PTPRT: variants seen among roughly 807,000 people sequenced by gnomAD.
PTPRT encodes receptor-type tyrosine-protein phosphatase T.
PTPRT carries 56 observed loss-of-function variants against 176.8 expected under a neutral mutation model. The ratio of observed to expected loss-of-function variants is 0.32; its 90% CI spans 0.26 to 0.40. The LOEUF is 0.40. PTPRT is among the 10% of genes least tolerant of loss of function. The pLI is 1.00. For missense variants in PTPRT, 1,540 were observed against 1,908.2 expected (o/e 0.81, Z 3.60); for synonymous variants, 783 against 739.0 (o/e 1.06, Z -0.96).
intron 1 of PTPRT, among the ~76,000 whole-genome samples, chr20:43,060,924 T>C (rs1987429728): frequency 6.6e-6 from 1 of 152,218 alleles, no homozygotes; most frequent in Non-Finnish European, 1.5e-5. Context: ...GTGCATGCAT[T>C]AGCCAAAACT....
chr20:42,760,622 A>T (rs561052781), intron 5 of PTPRT, among the ~76,000 whole-genome samples: 2 of 152,246 alleles, frequency 1.3e-5, no homozygotes, highest in African/African-American at 4.8e-5. Context: ...TTGAAGGCTG[A>T]CTTTGTGCCA....
intron 7 of PTPRT, among the ~76,000 whole-genome samples, chr20:42,485,331 T>G (rs1368761621): frequency 6.6e-6 from 1 of 152,088 alleles, no homozygotes; most frequent in African/African-American, 2.4e-5. Flanking sequence ...GAAGAAAAGC[T>G]GGAGAAAGAA....
chr20:42,662,784 A>G (rs1248455254), intron 7 of PTPRT, among the ~76,000 whole-genome samples: 3 of 152,166 alleles, frequency 2.0e-5, no homozygotes, highest in Non-Finnish European at 4.4e-5. Flanking sequence ...AGGGCTTAGC[A>G]AATTTGGGAC....
chr20:42,304,534 T>A (rs2057516098), intron 12 of PTPRT, among the ~76,000 whole-genome samples: 1 of 152,168 alleles, frequency 6.6e-6, no homozygotes, highest in Non-Finnish European at 1.5e-5. Context: ...AGAGCCTAAG[T>A]CACTTGCCTA....
intron 5 of PTPRT, among the ~76,000 whole-genome samples, chr20:42,769,154 G>C (rs1196485058): frequency 6.6e-6 from 1 of 152,192 alleles, no homozygotes; most frequent in African/African-American, 2.4e-5. Flanking sequence ...GCAACCCTGG[G>C]AAGCAGAAAG....
At chr20:42,697,645 C>G (rs575991850) in intron 6 of PTPRT, among the ~76,000 whole-genome samples, 5 of 152,300 alleles carry the variant, frequency 3.3e-5, no homozygotes, top group Non-Finnish European at 5.9e-5. Context: ...AATAATAAAG[C>G]TCGTCCTAAA....
chr20:42,418,426 A>G (rs2059086257), intron 9 of PTPRT, among the ~76,000 whole-genome samples: 1 of 152,232 alleles, frequency 6.6e-6, no homozygotes, highest in Admixed American at 6.5e-5. Flanking sequence ...TGACCACATT[A>G]TCAGCCTTAC....
chr20:42,662,349 A>G (rs991439962), intron 7 of PTPRT, among the ~76,000 whole-genome samples: 9 of 152,252 alleles, frequency 5.9e-5, no homozygotes, highest in African/African-American at 1.9e-4. Context: ...TTAGAGTTCT[A>G]TGGTCAGCTG....
chr20:43,084,183 C>T lies in PTPRT; in HGVS notation c.88+105463G>A, dbSNP rs556327339. Among the ~76,000 whole-genome samples, 8 of 152,248 alleles carry T rather than the reference C, an allele frequency of 5.3e-5. No individual in the cohort carries two copies. The South Asian group carries it at 1.5e-3, about 28-fold the overall frequency. ...ATATTTAACTCTTCTAAGTGACTGC[C>T]GAACTGTTTTTCCAAAGTGGCCATG... On this transcript the variant is annotated intron_variant, in intron 1 of 30. Coordinates refer to ENST00000373187, the MANE Select transcript of PTPRT (RefSeq NM_007050.6).
chr20:42,572,830 G>C (rs945399073), intron 7 of PTPRT, among the ~76,000 whole-genome samples: 3 of 151,758 alleles, frequency 2.0e-5, no homozygotes, highest in African/African-American at 7.3e-5. Context: ...CTGCCTTCTC[G>C]GGCATCCCAG....
rs535197447 is a variant in PTPRT at position 42,949,748 on chromosome 20, C to G, written c.89-63816G>C. Reference sequence around the variant, plus strand: ...TGTTATGCAGCAAAGATAACTGAACCACTCAGCTATTTTTTATGTTTGCCA... The same window carrying G: ...TGTTATGCAGCAAAGATAACTGAACGACTCAGCTATTTTTTATGTTTGCCA... On this transcript the variant is annotated intron_variant, in intron 1 of 30. Transcript: ENST00000373187. 2.0e-5 allele frequency among the ~76,000 whole-genome samples: 3 copies of G among 152,270 alleles called. No homozygotes were observed. The South Asian group carries it at 6.2e-4, about 32-fold the overall frequency.
intron 18 of PTPRT, among the ~76,000 whole-genome samples, chr20:42,132,421 C>T (rs1035565521): frequency 2.0e-5 from 3 of 152,068 alleles, no homozygotes; most frequent in African/African-American, 4.8e-5. Flanking sequence ...TTGCCAAACA[C>T]GTATCTCAGA....
intron 7 of PTPRT, among the ~76,000 whole-genome samples, chr20:42,601,522 A>T (rs2073781014): frequency 6.6e-6 from 1 of 152,198 alleles, no homozygotes; most frequent in Non-Finnish European, 1.5e-5. Flanking sequence ...ATCTAGTCAG[A>T]TACAAAGTTT....
chr20:42,705,989 T>C (rs906991206), intron 6 of PTPRT, among the ~76,000 whole-genome samples: 1 of 152,024 alleles, frequency 6.6e-6, no homozygotes, highest in Admixed American at 6.6e-5. Flanking sequence ...CTCTGTATAA[T>C]GGGGAGAGGT....
chr20:42,419,290 T>C (rs746533200), intron 9 of PTPRT, among the ~76,000 whole-genome samples: 1 of 152,160 alleles, frequency 6.6e-6, no homozygotes, highest in Non-Finnish European at 1.5e-5. Context: ...CAAGCTCAGT[T>C]GCACATGCAC....
chr20:42,978,020 T>G (rs1444548380), intron 1 of PTPRT, among the ~76,000 whole-genome samples: 1 of 151,852 alleles, frequency 6.6e-6, no homozygotes, highest in Non-Finnish European at 1.5e-5. Flanking sequence ...AAACAAGATC[T>G]CCAGTGGATG....
At chr20:42,808,690 G>A (rs899309636) in intron 2 of PTPRT, among the ~76,000 whole-genome samples, 4 of 152,090 alleles carry the variant, frequency 2.6e-5, no homozygotes, top group Admixed American at 2.0e-4. Context: ...ATCTGGATGC[G>A]TCAAGTAGAT....
intron 1 of PTPRT, among the ~76,000 whole-genome samples, chr20:43,024,090 G>GT (rs1985816042): frequency 6.6e-6 from 1 of 152,084 alleles, no homozygotes; most frequent in Admixed American, 6.6e-5. Flanking sequence ...CCGTATCCAA[G>GT]GCACAGTGCC....
At chr20:42,312,885 A>C (rs2057657379) in intron 12 of PTPRT, among the ~76,000 whole-genome samples, 1 of 150,124 alleles carries the variant, frequency 6.7e-6, no homozygotes, top group Non-Finnish European at 1.5e-5. Context: ...TTTGGGGAGC[A>C]AACTGTCGGA....
Sources: gnomAD v4.1 joint callset for allele counts (sites outside exome capture counted in the v4.1 genomes callset) on GRCh38, gnomAD v4.1.1 for gene constraint, MANE v1.5 for transcripts, NCBI Gene and HGNC (gene_info 2026-07-23, HGNC 2026-07-21) for gene names.